Variants in KDM7A observed in about 807,000 individuals in gnomAD.
KDM7A encodes lysine demethylase 7A.
Under a neutral mutation model 114.8 loss-of-function variants are expected in KDM7A, and 28 were observed. The ratio of observed to expected loss-of-function variants is 0.24; its 90% confidence interval spans 0.18 to 0.33. The LOEUF (loss-of-function observed/expected upper bound fraction) is 0.33. Ranked by LOEUF, KDM7A falls within the 10% of genes least tolerant of loss-of-function variation. KDM7A has a pLI of 1.00. For missense variants in KDM7A, 942 were observed against 1,142.5 expected (o/e 0.82, Z 2.53); for synonymous variants, 423 against 397.8 (o/e 1.06, Z -0.75).
At chr7:140,166,346 T>A (rs1019666646) in intron 1 of KDM7A, among the ~76,000 whole-genome samples, 4 of 147,972 alleles carry the variant, frequency 2.7e-5, no homozygotes, top group African/African-American at 4.9e-5. Flanking sequence ...TTTTTTTTTT[T>A]TTTTTTTTTT....
intron 1 of KDM7A, among the ~76,000 whole-genome samples, chr7:140,165,140 G>A (rs1465409957): frequency 6.6e-6 from 1 of 152,088 alleles, no homozygotes; most frequent in Non-Finnish European, 1.5e-5. Context: ...ACAAAACACA[G>A]GTTAGAAAAT....
chr7:140,097,099 T>C (rs772134387), intron 15 of KDM7A, 52 bp from the exon 16 acceptor site: 1 of 1,380,238 alleles, frequency 7.2e-7, no homozygotes, highest in South Asian at 1.3e-5. Context: ...TGACCAAGTC[T>C]GTACAAATGA....
At position 140,096,020 on chromosome 7, in the gene KDM7A, G is replaced by A. The variant is rs937965082; in HGVS notation, c.2374+535C>T. ...TTTAATATAGTACTATCTTCTCCCC[G>A]GTCCTCCTCAGGCTTTTTGGGATAC... On this transcript the variant is annotated intron_variant, in intron 17 of 19. Transcript: ENST00000397560. Among the ~76,000 whole-genome samples the A allele has an allele frequency of 5.9e-5, 9 of 151,956 alleles. No individual in the cohort carries two copies. The East Asian group carries it at 7.7e-4, about 13-fold the overall frequency.
At chr7:140,159,751 C>T (rs191301829) in intron 1 of KDM7A, among the ~76,000 whole-genome samples, 2 of 152,126 alleles carry the variant, frequency 1.3e-5, no homozygotes, top group African/African-American at 2.4e-5. Flanking sequence ...ACCTCAGGAC[C>T]CATATAACCA....
chr7:140,126,258 C>G (rs1439274475), intron 6 of KDM7A, among the ~76,000 whole-genome samples: 1 of 151,994 alleles, frequency 6.6e-6, no homozygotes, highest in Non-Finnish European at 1.5e-5. Flanking sequence ...AACAAGCTAT[C>G]CTAGCCCAAC....
At chr7:140,097,486 G>T (rs1324727072) in intron 15 of KDM7A, 59 bp downstream of exon 15, 12 of 916,012 alleles carry the variant, frequency 1.3e-5, no homozygotes, top group Middle Eastern at 4.4e-4. Flanking sequence ...TCCAGGAGAA[G>T]TTACGTGGTG....
chr7:140,126,671 A>C lies in KDM7A; in HGVS notation c.854T>G (p.Phe285Cys). 1 of 1,613,410 alleles carries C rather than the reference A, an allele frequency of 6.2e-7. No homozygotes were observed. The highest frequency in any genetic ancestry group is 8.5e-7 in the Non-Finnish European group (1 of 1,179,646). The change falls in exon 6 of 20, where the codon TTC becomes TGC. Residue 285 changes from phenylalanine to cysteine, a missense_variant. By Grantham distance (205) the Phe-to-Cys change is radical. This residue lies in a region of KDM7A where 318 missense variants were observed against 453.1 expected (regional missense o/e 0.70). Transcript: ENST00000397560. ...ATGGTACCAGACTGAAGTTCCACCG[A>C]AGTCAATGTGGAAATCTGTATAGCT... ...QDSYTDFHIDFGGTSVWYHVL... is the reference protein window; with the variant it reads ...QDSYTDFHIDCGGTSVWYHVL...
At chr7:140,096,397 C>T (rs541279828) in intron 17 of KDM7A, among the ~76,000 whole-genome samples, 158 bp downstream of exon 17, 4 of 152,306 alleles carry the variant, frequency 2.6e-5, no homozygotes, top group African/African-American at 7.2e-5. Flanking sequence ...TTCCATCTTA[C>T]GTGATATGTC....
intron 1 of KDM7A, among the ~76,000 whole-genome samples, chr7:140,148,548 C>G (rs773562690): frequency 5.3e-5 from 8 of 152,034 alleles, no homozygotes; most frequent in Non-Finnish European, 8.8e-5. Context: ...CGTTGCTAGC[C>G]AGTAAAAATA....
intron 17 of KDM7A, chr7:140,095,622 A>C: frequency 1.1e-5 from 3 of 285,502 alleles, no homozygotes; most frequent in Non-Finnish European, 2.1e-5. Flanking sequence ...TCACACCTGT[A>C]ATCTCAGCAC....
At chr7:140,102,296 C>T (rs553071809) in intron 11 of KDM7A, 136 bp from the exon 12 acceptor site, 1 of 660,512 alleles carries the variant, frequency 1.5e-6, no homozygotes, top group Non-Finnish European at 2.6e-6. Flanking sequence ...AGACTAAATC[C>T]TAAGCTTCAA....
chr7:140,118,845 T>C (rs1818573822), intron 9 of KDM7A, among the ~76,000 whole-genome samples: 1 of 152,316 alleles, frequency 6.6e-6, no homozygotes, highest in South Asian at 2.1e-4. Flanking sequence ...GAGGACTAGA[T>C]GGAATGAACA....
chr7:140,143,100 A>G (rs1794303619), intron 1 of KDM7A, among the ~76,000 whole-genome samples: 1 of 151,408 alleles, frequency 6.6e-6, no homozygotes, highest in Admixed American at 6.6e-5. Flanking sequence ...GAACGGCATG[A>G]ACTCGGGAGG....
chr7:140,159,363 A>AT (rs1229847892), intron 1 of KDM7A, among the ~76,000 whole-genome samples: 1 of 152,080 alleles, frequency 6.6e-6, no homozygotes, highest in African/African-American at 2.4e-5. Flanking sequence ...AAAAATAAAA[A>AT]TTAAAAATTA....
intron 1 of KDM7A, among the ~76,000 whole-genome samples, chr7:140,142,902 T>C (rs1207619795): frequency 6.7e-6 from 1 of 150,072 alleles, no homozygotes; most frequent in Non-Finnish European, 1.5e-5. Flanking sequence ...TAATGCAAAT[T>C]AAAAAAAAAA....
chr7:140,153,215 T>A (rs1188483816), intron 1 of KDM7A, among the ~76,000 whole-genome samples: 1 of 151,590 alleles, frequency 6.6e-6, no homozygotes, highest in Admixed American at 6.6e-5. Flanking sequence ...TTACTTTGCA[T>A]GGTAGTGCAG....
chr7:140,173,383 G>A (rs576693620), intron 1 of KDM7A, among the ~76,000 whole-genome samples: 1 of 152,154 alleles, frequency 6.6e-6, no homozygotes, highest in Non-Finnish European at 1.5e-5. Flanking sequence ...CCTGGAAGAC[G>A]CTGGTTCCAT....
At chr7:140,160,912 G>A (rs564920194) in intron 1 of KDM7A, among the ~76,000 whole-genome samples, 7 of 152,216 alleles carry the variant, frequency 4.6e-5, no homozygotes, top group African/African-American at 1.4e-4. Flanking sequence ...AAGGGACTGC[G>A]TTCACCCAGT....
intron 12 of KDM7A, 46 bp from the exon 13 acceptor site, chr7:140,100,069 G>A: frequency 6.2e-7 from 1 of 1,608,174 alleles, no homozygotes; most frequent in Non-Finnish European, 8.5e-7. Context: ...CCCTCAGGTA[G>A]CCCTGTTCGA....
Sources: gnomAD v4.1 joint callset for allele counts (sites outside exome capture counted in the v4.1 genomes callset) on GRCh38, gnomAD v4.1.1 for gene constraint, gnomAD v4.1.1 regional missense constraint, MANE v1.5 for transcripts, NCBI Gene and HGNC (gene_info 2026-07-23, HGNC 2026-07-21) for gene names.